LGR4: variants seen among roughly 807,000 people sequenced by gnomAD.
LGR4 encodes the protein leucine-rich repeat-containing G protein-coupled receptor 4.
In LGR4, 44 loss-of-function variants were observed where a neutral mutation model predicts 84.8. The ratio of observed to expected loss-of-function variants is 0.52; its 90% CI spans 0.41 to 0.67. The LOEUF (loss-of-function observed/expected upper bound fraction) is 0.67, where lower values mean the gene tolerates loss of function less well. Among genes scored for constraint, LGR4 ranks in the 30% least tolerant of loss-of-function variants. The pLI is 0.00. For synonymous variants in LGR4, 429 were observed against 434.3 expected, an observed-to-expected ratio of 0.99 and a Z score of 0.15; for missense variants, 1,032 against 1,131.4, an observed-to-expected ratio of 0.91 and a Z score of 1.26.
chr11:27,453,047 T>C (rs2133446036), intron 1 of LGR4, among the ~76,000 whole-genome samples: 1 of 152,072 alleles, frequency 6.6e-6, no homozygotes, highest in Non-Finnish European at 1.5e-5. Flanking sequence ...TTATGTTTAA[T>C]TAAGTTGTCA....
At chr11:27,444,687 G>C (rs1163693418) in intron 1 of LGR4, among the ~76,000 whole-genome samples, 1 of 152,164 alleles carries the variant, frequency 6.6e-6, no homozygotes, top group Non-Finnish European at 1.5e-5. Context: ...AATATCCATA[G>C]CCTAATTAAG....
At chr11:27,448,156 C>T (rs1220116689) in intron 1 of LGR4, among the ~76,000 whole-genome samples, 1 of 152,060 alleles carries the variant, frequency 6.6e-6, no homozygotes. Flanking sequence ...TTTTCAAAGA[C>T]CTTACCATTA....
At chr11:27,400,896 A>G (rs926349467) in intron 2 of LGR4, among the ~76,000 whole-genome samples, 2 of 152,334 alleles carry the variant, frequency 1.3e-5, no homozygotes, top group African/African-American at 4.8e-5. Context: ...CATCCTTTAT[A>G]GTTCTGCTTC....
Position 27,367,783 on chromosome 11 carries a change from C to T in LGR4, c.*84G>A. 1 of 1,004,710 alleles carries T rather than the reference C, an allele frequency of 1.0e-6. No individual in the cohort carries two copies. The highest frequency in any genetic ancestry group is 2.4e-5 in the East Asian group (1 of 41,422). The allele number at this position is 1,004,710 out of a possible 1,614,324, so 62.2% of individuals were successfully genotyped here. ...ACACCAGGCAGTGATTACAGAAGTG[C>T]TTCCCAGATGAAAGATGAGAATAGG... On this transcript the variant is annotated 3_prime_UTR_variant, in exon 18 of 18. Transcript: ENST00000379214.
chr11:27,385,565 T>C, intron 4 of LGR4, 97 bp from the exon 5 acceptor site: 4 of 702,508 alleles, frequency 5.7e-6, no homozygotes, highest in Non-Finnish European at 9.2e-6. Flanking sequence ...AAAAAGGACT[T>C]ATAAAAATTA....
At chr11:27,424,488 G>C (rs1863983677) in intron 1 of LGR4, among the ~76,000 whole-genome samples, 1 of 152,096 alleles carries the variant, frequency 6.6e-6, no homozygotes, top group Non-Finnish European at 1.5e-5. Context: ...AATAAAGTGA[G>C]ACCCCACGCT....
At chr11:27,439,576 G>A (rs1565094112) in intron 1 of LGR4, among the ~76,000 whole-genome samples, 3 of 152,222 alleles carry the variant, frequency 2.0e-5, no homozygotes, top group Middle Eastern at 3.4e-3. Context: ...TTCAATTTGC[G>A]GGGAATACAT....
chr11:27,461,301 G>A (rs992646430), intron 1 of LGR4, among the ~76,000 whole-genome samples: 4 of 150,700 alleles, frequency 2.7e-5, no homozygotes, highest in Admixed American at 6.6e-5. Flanking sequence ...CCAGGAGTTC[G>A]AGACCAGCCT....
chr11:27,382,978 C>T (rs1299988963), intron 6 of LGR4, among the ~76,000 whole-genome samples: 2 of 152,118 alleles, frequency 1.3e-5, no homozygotes, highest in East Asian at 1.9e-4. Flanking sequence ...GATCATGCCA[C>T]TGCACTCCAG....
chr11:27,392,760 C>G (rs1192441741), intron 2 of LGR4, among the ~76,000 whole-genome samples: 1 of 151,988 alleles, frequency 6.6e-6, no homozygotes, highest in Non-Finnish European at 1.5e-5. Flanking sequence ...CATTTTTATT[C>G]TGGTGAGGTC....
intron 2 of LGR4, among the ~76,000 whole-genome samples, chr11:27,400,243 C>G (rs1863473333): frequency 6.6e-6 from 1 of 152,058 alleles, no homozygotes; most frequent in Non-Finnish European, 1.5e-5. Context: ...CTTATGGTCC[C>G]AAGTATTTCA....
Position 27,472,253 on chromosome 11 carries a change from C to G in LGR4, c.50G>C (p.Gly17Ala), listed in dbSNP as rs1222491503. 2 of 1,310,800 alleles carry G rather than the reference C, an allele frequency of 1.5e-6. No individual in the cohort carries two copies. Among genetic ancestry groups the G allele is most frequent in the African/African-American group, 3.1e-5 (2 of 64,156 alleles). 81.2% of individuals were successfully genotyped at this position (1,310,800 alleles called of 1,614,324 possible). Reference protein sequence around the residue: ...LLCFLALGLLGSAGPSGAAPP... With the variant: ...LLCFLALGLLASAGPSGAAPP... ...CGCCGCGCCGCTGGGCCCGGCCGAG[C>G]CGAGCAGCCCCAGGGCGAGGAAGCA... The change falls in exon 1 of 18, where the codon GGC (glycine) becomes GCC (alanine). Residue 17 changes from glycine to alanine, a missense_variant. Gly to Ala is a moderately conservative substitution (Grantham distance 60, BLOSUM62 0). Coordinates refer to ENST00000379214, the MANE Select transcript of LGR4 (RefSeq NM_018490.5).
rs755535013 is a variant in LGR4, at chr11:27,368,945, A to T, written c.1778T>A (p.Ile593Asn). The change falls in exon 18 of 18, where the codon ATC (isoleucine) becomes AAC (asparagine). Residue 593 changes from isoleucine to asparagine, a missense_variant. Ile to Asn is a moderately radical substitution (Grantham distance 149). Coordinates refer to ENST00000379214, the MANE Select transcript of LGR4 (RefSeq NM_018490.5). ...SNLFMGIYTG[I>N]LTFLDAVSWG... ...GGACACAGCATCAAGAAAAGTTAGG[A>T]TGCCAGTATAGATTCCCATGAATAA... is the stretch of plus-strand genomic sequence containing the variant. 6.2e-7 allele frequency: 1 copy of T among 1,614,092 alleles called. No homozygotes were observed. The highest frequency in any genetic ancestry group is 8.5e-7 in the Non-Finnish European group (1 of 1,179,976).
intron 1 of LGR4, among the ~76,000 whole-genome samples, chr11:27,442,029 G>A (rs557192962): frequency 2.6e-5 from 4 of 152,166 alleles, no homozygotes; most frequent in South Asian, 2.1e-4. Context: ...AATGAGGAGC[G>A]GTGAGAATCA....
chr11:27,429,283 A>G (rs1427266800), intron 1 of LGR4, among the ~76,000 whole-genome samples: 1 of 152,102 alleles, frequency 6.6e-6, no homozygotes, highest in Non-Finnish European at 1.5e-5. Context: ...TCAGGAGTTC[A>G]AGATCAGCCT....
chr11:27,396,680 A>C (rs1403682980), intron 2 of LGR4, among the ~76,000 whole-genome samples: 2 of 152,154 alleles, frequency 1.3e-5, no homozygotes, highest in African/African-American at 4.8e-5. Context: ...CAGTTTTCGT[A>C]GCTTCTCACT....
chr11:27,368,014 C>T lies in LGR4; in HGVS notation c.2709G>A (p.Ser903=), dbSNP rs776840364. The T allele has an allele frequency of 3.9e-5, 62 of 1,606,610 alleles. No individual in the cohort carries two copies. The highest frequency in any genetic ancestry group is 4.3e-5 in the Non-Finnish European group (50 of 1,175,868). Residue 903 remains serine, a synonymous_variant, in exon 18 of 18, where the codon TCG becomes TCA. Transcript: ENST00000379214. ...EGYWSDCGTQ[S]AHSDYADEED... is the part of the protein sequence containing the mutation. ...CTTCATCTGCATAATCAGAGTGGGC[C>T]GACTGTGTGCCACAGTCGGACCAGT...
intron 2 of LGR4, among the ~76,000 whole-genome samples, chr11:27,402,110 A>G (rs1590364870): frequency 6.6e-6 from 1 of 152,158 alleles, no homozygotes; most frequent in East Asian, 1.9e-4. Context: ...GGCAGAGCCT[A>G]TATTTGTTCA....
intron 11 of LGR4, among the ~76,000 whole-genome samples, chr11:27,377,612 T>C (rs1771242867): frequency 6.6e-6 from 1 of 152,096 alleles, no homozygotes; most frequent in Admixed American, 6.6e-5. Context: ...TTTAAAAATT[T>C]GTATTTTTTC....
Sources: gnomAD v4.1 joint callset for allele counts (sites outside exome capture counted in the v4.1 genomes callset) on GRCh38, gnomAD v4.1.1 for gene constraint, MANE v1.5 for transcripts, NCBI Gene and HGNC (gene_info 2026-07-23, HGNC 2026-07-21) for gene names.